The following IL9 variants were observed in gnomAD, a reference collection of about 807,000 sequenced individuals.
IL9 encodes the protein interleukin 9.
In IL9, 16 loss-of-function variants were observed where a neutral mutation model predicts 12.9. The observed-to-expected ratio is 1.24, with a 90% CI of 0.84 to 1.88. The LOEUF is 1.88. IL9 is among the 40% of genes most tolerant of loss of function. The pLI is 0.00. For synonymous variants in IL9, 69 were observed against 63.8 expected (o/e 1.08, Z -0.39); for missense variants, 170 against 173.1 (o/e 0.98, Z 0.10).
At chr5:135,893,732 C>A (rs537683244) in intron 4 of IL9, among the ~76,000 whole-genome samples, 1 of 152,338 alleles carries the variant, frequency 6.6e-6, no homozygotes, top group African/African-American at 2.4e-5. Flanking sequence ...ATCCCTGATT[C>A]TCTAGATTGT....
intron 4 of IL9, among the ~76,000 whole-genome samples, 179 bp downstream of exon 4, chr5:135,893,841 A>G (rs1762906494): frequency 1.3e-5 from 2 of 152,290 alleles, no homozygotes; most frequent in East Asian, 1.9e-4. Flanking sequence ...CTTTAATTCT[A>G]TTGTTTCAGT....
At chr5:135,894,984 G>A (rs560050756) in intron 3 of IL9, among the ~76,000 whole-genome samples, 1 of 152,124 alleles carries the variant, frequency 6.6e-6, no homozygotes, top group South Asian at 2.1e-4. Flanking sequence ...GAGGTATAGC[G>A]CATAGATCAT....
Position 135,895,810 on chromosome 5 carries a change from G to C in IL9, c.7C>G (p.Leu3Val), listed in dbSNP as rs1762932332. The C allele has an allele frequency of 6.2e-7, 1 of 1,611,578 alleles. No homozygotes were observed. The highest frequency in any genetic ancestry group is 1.3e-5 in the African/African-American group (1 of 74,866). ML[L>V]AMVLTSALLL... ...AGGGCAGAGGTAAGGACCATGGCCA[G>C]AAGCATCTTGACAGCGGACTGGAGC... The change falls in exon 1 of 5, where the codon CTG becomes GTG. Residue 3 changes from leucine to valine, a missense_variant. Leu to Val is a conservative substitution (Grantham distance 32). Coordinates refer to ENST00000274520, the MANE Select transcript of IL9 (RefSeq NM_000590.2).
chr5:135,895,402 A>T (rs770151653), intron 3 of IL9, 38 bp downstream of exon 3: 4 of 1,565,932 alleles, frequency 2.6e-6, no homozygotes, highest in Admixed American at 4.0e-5. Flanking sequence ...AAACCAAAAA[A>T]ATCCAAGGTC....
At chr5:135,892,621 G>A in intron 4 of IL9, 111 bp from the exon 5 acceptor site, 1 of 1,242,732 alleles carries the variant, frequency 8.0e-7, no homozygotes, top group East Asian at 2.4e-5. Context: ...TTGTGGGGAT[G>A]GGAAGGGAAG....
rs1762878153 is a variant in IL9 at position 135,892,319 on chromosome 5, G to C, written c.*72C>G. 6 of 1,187,180 alleles carry C rather than the reference G, an allele frequency of 5.1e-6. No homozygotes were observed. The highest frequency in any genetic ancestry group is 7.1e-6 in the Non-Finnish European group (6 of 850,132). 73.5% of individuals were successfully genotyped at this position (1,187,180 alleles called of 1,614,324 possible). A position where few individuals can be genotyped will look rare whatever the true frequency, so the allele number is the denominator to read the frequency against. On this transcript the variant is annotated 3_prime_UTR_variant, in exon 5 of 5. Coordinates refer to ENST00000274520, the MANE Select transcript of IL9 (RefSeq NM_000590.2). ...GATACTGATTTAGAGTAGCTTACTT[G>C]ATTTTTAAATTGTAGCAACTTAAAG...
chr5:135,892,776 A>ACC (rs1305448778), intron 4 of IL9, among the ~76,000 whole-genome samples: 1 of 136,632 alleles, frequency 7.3e-6, no homozygotes, highest in Non-Finnish European at 1.5e-5. Context: ...ACACACACAC[A>ACC]CACCCCTATT....
intron 1 of IL9, 21 bp downstream of exon 1, chr5:135,895,682 T>C (rs1179904053): frequency 1.9e-6 from 3 of 1,608,834 alleles, no homozygotes; most frequent in Admixed American, 3.3e-5. Flanking sequence ...GTCTTTCCCA[T>C]GGGCTCCCCC....
rs1341506362 is a variant in IL9 at position 135,892,455 on chromosome 5, A to C, written c.371T>G (p.Phe124Cys). 6.2e-7 allele frequency: 1 copy of C among 1,613,338 alleles called. No individual in the cohort carries two copies. Among genetic ancestry groups the C allele is most frequent in the Non-Finnish European group, 8.5e-7 (1 of 1,179,702 alleles). The change falls in exon 5 of 5, where the codon TTT (phenylalanine) becomes TGT (cysteine). Residue 124 changes from phenylalanine to cysteine, a missense_variant. Physicochemically the swap from Phe to Cys is radical, Grantham distance 205. Transcript: ENST00000274520. ...NQTTAGNALT[F>C]LKSLLEIFQK... is the part of the protein sequence containing the mutation. Reference sequence around the variant, plus strand: ...GAAAATTTCCAGAAGACTCTTCAGAAATGTCAGCGCGTTGCCTGCCGTGGT... The same window carrying C: ...GAAAATTTCCAGAAGACTCTTCAGACATGTCAGCGCGTTGCCTGCCGTGGT...
chr5:135,894,104 G>T lies in IL9; in HGVS notation c.231C>A (p.Thr77=). The change falls in exon 4 of 5, where the codon ACC becomes ACA. Residue 77 remains threonine, a synonymous_variant. Coordinates refer to ENST00000274520, the MANE Select transcript of IL9 (RefSeq NM_000590.2). The part of the protein sequence containing the change: ...PCFSERLSQM[T]NTTMQTRYPL... ...GGTATCTTGTTTGCATGGTGGTATT[G>T]GTCATCTGAGACAGTCTCTCACTGA... 1 of 1,613,294 alleles carries T rather than the reference G, an allele frequency of 6.2e-7. No individual in the cohort carries two copies. Among genetic ancestry groups the T allele is most frequent in the Non-Finnish European group, 8.5e-7 (1 of 1,179,482 alleles).
Position 135,894,060 on chromosome 5 carries a change from A to G in IL9, c.275T>C (p.Val92Ala), listed in dbSNP as rs1762909688. The G allele has an allele frequency of 6.2e-7, 1 of 1,612,944 alleles. No homozygotes were observed. Among genetic ancestry groups the G allele is most frequent in the Non-Finnish European group, 8.5e-7 (1 of 1,179,744 alleles). The change falls in exon 4 of 5, where the codon GTG becomes GCG. Residue 92 changes from valine to alanine, a missense_variant. Physicochemically the swap from Val to Ala is moderately conservative, Grantham distance 64. Coordinates refer to ENST00000274520, the MANE Select transcript of IL9 (RefSeq NM_000590.2). ...CTTTAGTACTTCAACTGATTTTTTC[A>G]CCCGACTGAAAATCAGTGGGTATCT... ...QTRYPLIFSR[V>A]KKSVEVLKNN...
At chr5:135,895,308 G>A (rs912338316) in intron 3 of IL9, 132 bp downstream of exon 3, 46 of 700,802 alleles carry the variant, frequency 6.6e-5, no homozygotes, top group Middle Eastern at 3.9e-4. Context: ...GTTTTAACAG[G>A]GAATACTAAT....
intron 3 of IL9, among the ~76,000 whole-genome samples, chr5:135,894,924 G>A (rs1425384495): frequency 3.3e-5 from 5 of 152,136 alleles, no homozygotes; most frequent in African/African-American, 1.2e-4. Flanking sequence ...ACTCTAATCA[G>A]CTAGACAGAC....
chr5:135,893,938 C>CT, intron 4 of IL9, 82 bp downstream of exon 4: 1 of 1,199,426 alleles, frequency 8.3e-7, no homozygotes, highest in Non-Finnish European at 1.2e-6. Context: ...CTTTATCATC[C>CT]TTTTGTGTTC....
chr5:135,894,542 A>G (rs1017987100), intron 3 of IL9, among the ~76,000 whole-genome samples: 2 of 152,236 alleles, frequency 1.3e-5, no homozygotes, highest in Non-Finnish European at 2.9e-5. Context: ...CTGGTATTTC[A>G]GCAGCAGCTA....
In IL9 at chr5:135,894,116, C is replaced by T; in HGVS notation, c.219G>A (p.Leu73=). The T allele has an allele frequency of 1.2e-6, 2 of 1,613,232 alleles. No homozygotes were observed. Among genetic ancestry groups the T allele is most frequent in the Non-Finnish European group, 1.7e-6 (2 of 1,179,558 alleles). Residue 73 remains leucine (L), a synonymous_variant, in exon 4 of 5, where the codon CTG becomes CTA. Transcript: ENST00000274520. The part of the protein sequence containing the change: ...NCTRPCFSER[L]SQMTNTTMQT... ...GCATGGTGGTATTGGTCATCTGAGA[C>T]AGTCTCTCACTGAAGCATGGTCTGG...
Position 135,894,041 on chromosome 5 carries a change from T to C in IL9, c.294A>G (p.Val98=), listed in dbSNP as rs1178103456. The change falls in exon 4 of 5, where the codon GTA becomes GTG. Residue 98 remains valine, a synonymous_variant. Coordinates refer to ENST00000274520, the MANE Select transcript of IL9 (RefSeq NM_000590.2). Reference sequence around the variant, plus strand: ...TTACTGGACACTTGTTGTTCTTTAGTACTTCAACTGATTTTTTCACCCGAC... The same window carrying C: ...TTACTGGACACTTGTTGTTCTTTAGCACTTCAACTGATTTTTTCACCCGAC... The part of the protein sequence containing the change: ...IFSRVKKSVE[V]LKNNKCPYFS... The C allele has an allele frequency of 6.2e-7, 1 of 1,613,094 alleles. No homozygotes were observed. The highest frequency in any genetic ancestry group is 2.2e-5 in the East Asian group (1 of 44,852).
At position 135,892,471 on chromosome 5, in the gene IL9, C is replaced by T. The variant is rs1762883628; in HGVS notation, c.355G>A (p.Gly119Ser). ...CEQPCNQTTA[G>S]NALTFLKSLL... ...CTCTTCAGAAATGTCAGCGCGTTGC[C>T]TGCCGTGGTTTGGTTGCATGGCTGT... Residue 119 changes from glycine to serine, a missense_variant, in exon 5 of 5, where the codon GGC becomes AGC. Gly to Ser is a moderately conservative substitution (Grantham distance 56). Coordinates refer to ENST00000274520, the MANE Select transcript of IL9 (RefSeq NM_000590.2). The T allele has an allele frequency of 6.2e-7, 1 of 1,613,406 alleles. No homozygotes were observed. The highest frequency in any genetic ancestry group is 1.1e-5 in the South Asian group (1 of 90,944).
intron 4 of IL9, among the ~76,000 whole-genome samples, chr5:135,893,476 G>C (rs1377005204): frequency 6.6e-6 from 1 of 152,128 alleles, no homozygotes; most frequent in African/African-American, 2.4e-5. Flanking sequence ...GCCAGGCATG[G>C]TGGCACGCAC....
Sources: allele counts gnomAD v4.1 joint callset (sites outside exome capture counted in the v4.1 genomes callset), GRCh38; gene constraint gnomAD v4.1.1; transcripts MANE v1.5; gene names NCBI Gene and HGNC (gene_info 2026-07-23, HGNC 2026-07-21).